Variants in PNLIPRP1 observed in about 807,000 individuals in gnomAD.
PNLIPRP1 encodes inactive pancreatic lipase-related protein 1.
A neutral mutation model predicts 54.6 loss-of-function variants in PNLIPRP1; 57 were observed. The observed-to-expected ratio is 1.04, with a 90% CI of 0.84 to 1.30. The LOEUF (loss-of-function observed/expected upper bound fraction) is 1.30, where lower values mean the gene tolerates loss of function less well. Ranked by LOEUF, PNLIPRP1 falls within the 50% of genes most tolerant of loss-of-function variation. The pLI, the probability that PNLIPRP1 is intolerant of heterozygous loss-of-function variation, is 0.00. For missense variants in PNLIPRP1, 567 were observed against 568.5 expected, an observed-to-expected ratio of 1.00 and a Z score of 0.03; for synonymous variants, 232 against 208.8, an observed-to-expected ratio of 1.11 and a Z score of -0.96.
Position 116,591,910 on chromosome 10 carries a change from C to G in PNLIPRP1, c.189C>G (p.Asn63Lys). The change falls in exon 3 of 13, where the codon AAC becomes AAG. Residue 63 changes from asparagine (N) to lysine (K), a missense_variant. Transcript: ENST00000358834. ...GTRFLLYTNE[N>K]PNNFQILLLS... ...GCTTCCTGCTGTACACCAATGAAAA[C>G]CCAAACAACTTTCAAGTGAGACCTC... The G allele has an allele frequency of 6.2e-7, 1 of 1,614,162 alleles. No homozygotes were observed. The highest frequency in any genetic ancestry group is 8.5e-7 in the Non-Finnish European group (1 of 1,180,034).
At position 116,597,844 on chromosome 10, in the gene PNLIPRP1, A is replaced by G. The variant is rs1847763404; in HGVS notation, c.591A>G (p.Glu197=). 2.5e-6 allele frequency: 4 copies of G among 1,614,180 alleles called. No individual in the cohort carries two copies. Among genetic ancestry groups the G allele is most frequent in the Non-Finnish European group, 3.4e-6 (4 of 1,180,030 alleles). The change falls in exon 7 of 13, where the codon GAA becomes GAG. Residue 197 remains glutamate (E), a synonymous_variant. Coordinates refer to ENST00000358834, the MANE Select transcript of PNLIPRP1 (RefSeq NM_006229.4). ...LSRITGLDPV[E]ASFESTPEEV... is the part of the protein sequence containing the mutation. ...CTCTTTTAGGGTTGGATCCTGTAGA[A>G]GCAAGTTTCGAGAGTACTCCTGAAG...
Position 116,600,104 on chromosome 10 carries a change from G to C in PNLIPRP1, c.872G>C (p.Ser291Thr), listed in dbSNP as rs781919453. ...AGAAGCTACAAGTATTACTTGGAAA[G>C]CATCCTCAATCCCGATGGGTTTGCT... ...HLRSYKYYLE[S>T]ILNPDGFAAY... The change falls in exon 9 of 13, where the codon AGC (serine) becomes ACC (threonine). Residue 291 changes from serine to threonine, a missense_variant. Physicochemically the swap from Ser to Thr is moderately conservative, Grantham distance 58. Transcript: ENST00000358834. The C allele has an allele frequency of 6.2e-7, 1 of 1,614,066 alleles. No individual in the cohort carries two copies. The highest frequency in any genetic ancestry group is 8.5e-7 in the Non-Finnish European group (1 of 1,179,972).
intron 4 of PNLIPRP1, chr10:116,593,966 A>AG: frequency 5.9e-6 from 1 of 170,338 alleles, no homozygotes; most frequent in Non-Finnish European, 1.2e-5. Context: ...AAAAAAAAAA[A>AG]AAAAAAAGAA....
In PNLIPRP1 at chr10:116,604,018, T is replaced by C. The variant is rs1554865168; in HGVS notation, c.1064-12T>C. 1 of 1,566,796 alleles carries C rather than the reference T, an allele frequency of 6.4e-7. No homozygotes were observed. The highest frequency in any genetic ancestry group is 1.4e-5 in the African/African-American group (1 of 73,952). ...TGTGTGAATAAATTGAACTCTTCCA[T>C]CTCCTGTGCAGGCTGGAGATATGGG... is the stretch of plus-strand genomic sequence containing the variant. On this transcript the variant is annotated splice_polypyrimidine_tract_variant and intron_variant, in intron 10 of 12. Transcript: ENST00000358834.
At position 116,605,518 on chromosome 10, in the gene PNLIPRP1, CA is replaced by C. The variant is rs1847922019; in HGVS notation, c.1307del (p.Lys436ArgfsTer?). The C allele has an allele frequency of 6.2e-7, 1 of 1,608,796 alleles. No homozygotes were observed. ...CAACCCTCCCCAAAGTGGGTGCCACCAAGATCACTGTGCAAAAGGGAGAAGA... is the reference window on the plus strand; with the variant it reads ...CAACCCTCCCCAAAGTGGGTGCCACCAGATCACTGTGCAAAAGGGAGAAGA... The part of the protein sequence containing the change: ...NPTLPKVGAT[K>X]ITVQKGEEKT... On this transcript the variant is annotated frameshift_variant, in exon 12 of 13. Transcript: ENST00000358834. LOFTEE classifies it high-confidence loss of function.
At position 116,591,784 on chromosome 10, in the gene PNLIPRP1, C is replaced by T. The variant is rs782247281; in HGVS notation, c.63C>T (p.Cys21=). ...CTTTCTCTGTAGGAAAAGAAGTTTG[C>T]TATGAGGACCTCGGGTGCTTTTCTG... ...LLGAAKGKEV[C]YEDLGCFSDT... The change falls in exon 3 of 13, where the codon TGC becomes TGT. Residue 21 remains cysteine, a synonymous_variant. Transcript: ENST00000358834. The T allele has an allele frequency of 3.1e-6, 5 of 1,614,036 alleles. No homozygotes were observed. The highest frequency in any genetic ancestry group is 1.3e-5 in the African/African-American group (1 of 74,938).
At chr10:116,608,967 C>G in intron 12 of PNLIPRP1, 86 bp from the exon 13 acceptor site, 1 of 1,093,284 alleles carries the variant, frequency 9.1e-7, no homozygotes, top group East Asian at 2.4e-5. Flanking sequence ...AAAACCAAAC[C>G]AAACCAAACC....
rs782738426 is a variant in PNLIPRP1 at position 116,605,432 on chromosome 10, A to T, written c.1219A>T (p.Lys407Ter). 6.2e-7 allele frequency: 1 copy of T among 1,611,874 alleles called. No individual in the cohort carries two copies. Among genetic ancestry groups the T allele is most frequent in the Admixed American group, 1.7e-5 (1 of 60,008 alleles). ...AACCCATTCCTATGAGTTTGATGCA[A>T]AGCTGGATGTTGGAACAATTGAGAA... is the stretch of plus-strand genomic sequence containing the variant. ...GSTHSYEFDA[K>*]LDVGTIEKVK... Residue 407 changes from lysine to a stop codon, truncating the protein, a stop_gained, in exon 12 of 13, where the codon AAG (lysine) becomes TAG (stop). Coordinates refer to ENST00000358834, the MANE Select transcript of PNLIPRP1 (RefSeq NM_006229.4). LOFTEE classifies it high-confidence loss of function.
At chr10:116,608,949 C>T in intron 12 of PNLIPRP1, 104 bp from the exon 13 acceptor site, 1 of 883,166 alleles carries the variant, frequency 1.1e-6, no homozygotes, top group South Asian at 1.3e-5. Flanking sequence ...GGGCTTAACC[C>T]CTTAAGAAAA....
At chr10:116,599,296 T>TAAAAC (rs1297586792) in intron 8 of PNLIPRP1, among the ~76,000 whole-genome samples, 6 of 133,836 alleles carry the variant, frequency 4.5e-5, no homozygotes, top group African/African-American at 1.5e-4. Flanking sequence ...TAAAATAAAA[T>TAAAAC]AAAAAATAAA....
rs1226979233 is a variant in PNLIPRP1 at position 116,598,107 on chromosome 10, T to A, written c.755T>A (p.Met252Lys). 1 of 1,614,018 alleles carries A rather than the reference T, an allele frequency of 6.2e-7. No homozygotes were observed. Among genetic ancestry groups the A allele is most frequent in the Non-Finnish European group, 8.5e-7 (1 of 1,180,016 alleles). The change falls in exon 8 of 13, where the codon ATG becomes AAG. Residue 252 changes from methionine (M) to lysine (K), a missense_variant. Physicochemically the swap from Met to Lys is moderately conservative, Grantham distance 95. Transcript: ENST00000358834. Reference sequence around the variant, plus strand: ...TTCTTCCCCAATGGAGGAGAGAGCATGCCGGGATGCAAGAAGAATGCCCTG... The same window carrying A: ...TTCTTCCCCAATGGAGGAGAGAGCAAGCCGGGATGCAAGAAGAATGCCCTG... ...LDFFPNGGES[M>K]PGCKKNALSQ...
At position 116,592,433 on chromosome 10, in the gene PNLIPRP1, T is replaced by C; in HGVS notation, c.222T>C (p.Asp74=). 1.2e-6 allele frequency: 2 copies of C among 1,610,520 alleles called. No individual in the cohort carries two copies. The highest frequency in any genetic ancestry group is 1.1e-5 in the South Asian group (1 of 90,804). Residue 74 remains aspartate (D), a synonymous_variant, in exon 4 of 13, where the codon GAT becomes GAC. Coordinates refer to ENST00000358834, the MANE Select transcript of PNLIPRP1 (RefSeq NM_006229.4). ...PNNFQILLLS[D]PSTIEASNFQ... is the part of the protein sequence containing the mutation. ...TGTCACAGATTCTCCTCCTCTCTGA[T>C]CCATCAACAATTGAGGCATCAAATT...
intron 4 of PNLIPRP1, among the ~76,000 whole-genome samples, chr10:116,593,398 C>G (rs573333842): frequency 6.6e-6 from 1 of 152,206 alleles, no homozygotes; most frequent in Admixed American, 6.5e-5. Context: ...TATGTGGAGA[C>G]TAGTTCAATC....
At chr10:116,591,334 G>A (rs1473064936) in intron 2 of PNLIPRP1, among the ~76,000 whole-genome samples, 156 bp downstream of exon 2, 1 of 152,220 alleles carries the variant, frequency 6.6e-6, no homozygotes, top group Non-Finnish European at 1.5e-5. Flanking sequence ...AGGCTGGGCA[G>A]TTTAAGGGAG....
chr10:116,596,506 C>T (rs575565715), intron 6 of PNLIPRP1, among the ~76,000 whole-genome samples, 184 bp downstream of exon 6: 1 of 152,292 alleles, frequency 6.6e-6, no homozygotes, highest in African/African-American at 2.4e-5. Context: ...ACCTTCACGG[C>T]AAGGGAAGGG....
At chr10:116,603,942 G>C in intron 10 of PNLIPRP1, 88 bp from the exon 11 acceptor site, 1 of 603,208 alleles carries the variant, frequency 1.7e-6, no homozygotes, top group South Asian at 2.7e-5. Flanking sequence ...ATGCTTTGTT[G>C]CCTCAGAGTA....
At chr10:116,607,715 G>A (rs11197751) in intron 12 of PNLIPRP1, among the ~76,000 whole-genome samples, 3 of 152,142 alleles carry the variant, frequency 2.0e-5, no homozygotes, top group East Asian at 1.9e-4. Flanking sequence ...GAGCTCACAG[G>A]TGGTGAGGCC....
At chr10:116,602,495 C>T (rs1179339966) in intron 10 of PNLIPRP1, among the ~76,000 whole-genome samples, 1 of 152,200 alleles carries the variant, frequency 6.6e-6, no homozygotes, top group Non-Finnish European at 1.5e-5. Context: ...ACTGAGGATG[C>T]AGGGACGAAC....
intron 12 of PNLIPRP1, among the ~76,000 whole-genome samples, chr10:116,608,560 C>T (rs1240646037): frequency 2.0e-5 from 3 of 152,226 alleles, no homozygotes; most frequent in African/African-American, 7.2e-5. Flanking sequence ...TCAGTTTCCT[C>T]TCCTGTAATG....
Sources: allele counts gnomAD v4.1 joint callset (sites outside exome capture counted in the v4.1 genomes callset), GRCh38; gene constraint gnomAD v4.1.1; transcripts MANE v1.5; gene names NCBI Gene and HGNC (gene_info 2026-07-23, HGNC 2026-07-21).